CDH9: variants seen among roughly 807,000 people sequenced by gnomAD.
CDH9 encodes the protein cadherin 9.
CDH9 carries 28 observed loss-of-function variants against 70.9 expected under a neutral mutation model. The ratio of observed to expected loss-of-function variants is 0.40; its 90% CI spans 0.29 to 0.54. CDH9 has a LOEUF of 0.54. Ranked by LOEUF, CDH9 falls within the 20% of genes least tolerant of loss-of-function variation. The probability of loss-of-function intolerance (pLI) is 0.59; values close to 1 mark genes in which losing one functional copy is unlikely to be tolerated. For missense variants in CDH9, 874 were observed against 984.4 expected (o/e 0.89, Z 1.50); for synonymous variants, 409 against 343.1 (o/e 1.19, Z -2.12).
intron 1 of CDH9, among the ~76,000 whole-genome samples, chr5:27,035,773 T>A (rs1743383667): frequency 6.6e-6 from 1 of 151,622 alleles, no homozygotes; most frequent in Admixed American, 6.6e-5. Flanking sequence ...TGGACATTTT[T>A]TAAGATATCT....
At chr5:26,913,211 C>T (rs558271333) in intron 3 of CDH9, among the ~76,000 whole-genome samples, 1 of 152,090 alleles carries the variant, frequency 6.6e-6, no homozygotes, top group Admixed American at 6.6e-5. Flanking sequence ...TTCTTCTGGG[C>T]TCATGTTTTT....
chr5:26,944,088 C>T (rs1741706628), intron 2 of CDH9, among the ~76,000 whole-genome samples: 1 of 151,942 alleles, frequency 6.6e-6, no homozygotes, highest in East Asian at 1.9e-4. Context: ...ATTTTTAGTC[C>T]ATATTATGGT....
intron 2 of CDH9, among the ~76,000 whole-genome samples, chr5:26,980,441 C>A (rs1278455138): frequency 2.0e-5 from 3 of 151,822 alleles, no homozygotes; most frequent in African/African-American, 4.8e-5. Context: ...TCTAAAGTGA[C>A]CCCAATTACC....
chr5:26,983,357 G>T (rs1742434268), intron 2 of CDH9, among the ~76,000 whole-genome samples: 1 of 152,086 alleles, frequency 6.6e-6, no homozygotes, highest in African/African-American at 2.4e-5. Flanking sequence ...GCTAGAGAAT[G>T]GGATTATTCA....
At chr5:26,987,088 ATTCTTT>A (rs776370114) in intron 2 of CDH9, among the ~76,000 whole-genome samples, 3 of 92,086 alleles carry the variant, frequency 3.3e-5, no homozygotes, top group Non-Finnish European at 6.5e-5. Flanking sequence ...AGGCACTTGT[ATTCTTT>A]TTTTTTTTTT....
chr5:26,967,513 C>T (rs1391421401), intron 2 of CDH9, among the ~76,000 whole-genome samples: 2 of 152,100 alleles, frequency 1.3e-5, no homozygotes, highest in African/African-American at 4.8e-5. Context: ...TTACCAGTCT[C>T]ATCAGAAAGA....
At chr5:26,884,541 A>G (rs1431237866) in intron 11 of CDH9, among the ~76,000 whole-genome samples, 1 of 152,110 alleles carries the variant, frequency 6.6e-6, no homozygotes, top group Non-Finnish European at 1.5e-5. Context: ...GCTGATGGTG[A>G]TGGTAGCAGT....
intron 2 of CDH9, among the ~76,000 whole-genome samples, chr5:26,964,521 A>G (rs1048536733): frequency 5.9e-5 from 9 of 152,186 alleles, no homozygotes; most frequent in Non-Finnish European, 8.8e-5. Context: ...CAACCAACCT[A>G]TATGCAGTTT....
At chr5:26,907,404 T>C (rs1740969267) in intron 3 of CDH9, among the ~76,000 whole-genome samples, 1 of 152,130 alleles carries the variant, frequency 6.6e-6, no homozygotes. Flanking sequence ...TATGCCTCTC[T>C]TTTAAATATA....
intron 2 of CDH9, among the ~76,000 whole-genome samples, chr5:26,941,462 G>T (rs759138860): frequency 9.9e-5 from 15 of 152,168 alleles, no homozygotes; most frequent in Non-Finnish European, 1.9e-4. Flanking sequence ...ATCCCATACA[G>T]ATTTTTCCAC....
At chr5:27,009,460 C>T (rs1019541069) in intron 1 of CDH9, among the ~76,000 whole-genome samples, 2 of 152,010 alleles carry the variant, frequency 1.3e-5, no homozygotes, top group African/African-American at 4.8e-5. Flanking sequence ...GTTGCCAGCC[C>T]CCCTAATCTG....
intron 2 of CDH9, among the ~76,000 whole-genome samples, chr5:26,919,507 A>G (rs1321244432): frequency 6.6e-6 from 1 of 152,124 alleles, no homozygotes; most frequent in Non-Finnish European, 1.5e-5. Context: ...AAAAATTGTA[A>G]TTCTTGGACA....
intron 2 of CDH9, among the ~76,000 whole-genome samples, chr5:26,957,002 CT>C (rs5866813): frequency 0.16 from 22,332 of 138,824 alleles, 2,698 homozygotes; most frequent in African/African-American, 0.36. Context: ...TTTCCATGTG[CT>C]TTTTTTTTTT....
intron 2 of CDH9, among the ~76,000 whole-genome samples, chr5:26,934,220 T>C (rs1741519715): frequency 6.6e-6 from 1 of 151,960 alleles, no homozygotes; most frequent in African/African-American, 2.4e-5. Context: ...AATCCCAACA[T>C]TTTAGGAGGC....
At chr5:27,009,864 AG>A (rs1331024713) in intron 1 of CDH9, among the ~76,000 whole-genome samples, 1 of 151,982 alleles carries the variant, frequency 6.6e-6, no homozygotes, top group Non-Finnish European at 1.5e-5. Flanking sequence ...GAATTTCTAT[AG>A]TTGTTTTCTT....
chr5:26,999,144 C>T (rs557361075), intron 1 of CDH9, among the ~76,000 whole-genome samples: 1 of 152,014 alleles, frequency 6.6e-6, no homozygotes, highest in East Asian at 1.9e-4. Flanking sequence ...ACTTGGGAGG[C>T]TGAGGCAGGG....
At chr5:26,942,733 C>T (rs1741685091) in intron 2 of CDH9, among the ~76,000 whole-genome samples, 1 of 152,118 alleles carries the variant, frequency 6.6e-6, no homozygotes, top group Admixed American at 6.6e-5. Context: ...TAGATACATG[C>T]CTTATGTCTG....
At chr5:27,007,675 T>C (rs1742889087) in intron 1 of CDH9, among the ~76,000 whole-genome samples, 1 of 152,074 alleles carries the variant, frequency 6.6e-6, no homozygotes, top group Admixed American at 6.6e-5. Context: ...TTTAAAACAG[T>C]TATGGTAAAA....
chr5:26,894,467 A>G (rs993376532), intron 7 of CDH9, among the ~76,000 whole-genome samples: 13 of 152,200 alleles, frequency 8.5e-5, no homozygotes, highest in South Asian at 2.1e-4. Flanking sequence ...TCACTTTAAG[A>G]ATTCATGAAG....
Sources: allele counts gnomAD v4.1 joint callset (sites outside exome capture counted in the v4.1 genomes callset), GRCh38; gene constraint gnomAD v4.1.1; transcripts MANE v1.5; gene names NCBI Gene and HGNC (gene_info 2026-07-23, HGNC 2026-07-21).